The following FLNC variants were observed in gnomAD, a reference collection of about 807,000 sequenced individuals.
FLNC encodes filamin C.
In FLNC, 91 loss-of-function variants were observed where a neutral mutation model predicts 254.3. The ratio of observed to expected loss-of-function variants is 0.36; its 90% CI spans 0.30 to 0.43. FLNC has a LOEUF of 0.43. Ranked by LOEUF, FLNC falls within the 20% of genes least tolerant of loss-of-function variation. The pLI is 1.00. For missense variants in FLNC, 2,853 were observed against 3,802.6 expected (o/e 0.75, Z 6.57); for synonymous variants, 1,430 against 1,577.2 (o/e 0.91, Z 2.21).
intron 41 of FLNC, 33 bp downstream of exon 41, chr7:128,854,715 G>A: frequency 6.2e-7 from 1 of 1,612,980 alleles, no homozygotes; most frequent in Non-Finnish European, 8.5e-7. Flanking sequence ...TGGGGATGAA[G>A]TCAGGGCAGC....
At position 128,830,510 on chromosome 7, in the gene FLNC, C is replaced by A; in HGVS notation, c.-128C>A. 2.5e-6 allele frequency: 2 copies of A among 789,416 alleles called. No individual in the cohort carries two copies. Among genetic ancestry groups the A allele is most frequent in the South Asian group, 1.8e-5 (1 of 56,834 alleles). The allele number at this position is 789,416 out of a possible 1,614,324, so 48.9% of individuals were successfully genotyped here. A position where few individuals can be genotyped will look rare whatever the true frequency, so the allele number is the denominator to read the frequency against. ...TCGCCGAGCCCCGCCAGCCCCGGCG[C>A]GAGAGAAGTTGGAGAGGAGAGCAGC... On this transcript the variant is annotated 5_prime_UTR_variant, in exon 1 of 48. Coordinates refer to ENST00000325888, the MANE Select transcript of FLNC (RefSeq NM_001458.5).
chr7:128,843,685 C>T (rs1050370437), intron 18 of FLNC, 108 bp downstream of exon 18: 34 of 1,492,020 alleles, frequency 2.3e-5, no homozygotes, highest in Admixed American at 2.0e-4. Flanking sequence ...CCTTTCCTGC[C>T]TCCTGCCCTC....
In FLNC at chr7:128,856,452, G is replaced by A; in HGVS notation, c.7252-66G>A. 2 of 1,594,650 alleles carry A rather than the reference G, an allele frequency of 1.3e-6. No individual in the cohort carries two copies. Among genetic ancestry groups the A allele is most frequent in the Admixed American group, 1.7e-5 (1 of 60,002 alleles). The stretch of plus-strand genomic sequence containing the variant: ...GGGCTTACAGTGAGCACCGTGTGGG[G>A]CTTCAGAGAAGACTGCTCCAGCCCC... On this transcript the variant is annotated intron_variant, in intron 43 of 47. Transcript: ENST00000325888. This position sits in a 1 kb window ranked among gnomAD's most constrained non-coding sequence, Gnocchi z 5.9.
At position 128,837,712 on chromosome 7, in the gene FLNC, A is replaced by C. The variant is rs1357567052; in HGVS notation, c.926A>C (p.Glu309Ala). The change falls in exon 5 of 48, where the codon GAG becomes GCG. Residue 309 changes from glutamate to alanine, a missense_variant. Glu to Ala is a moderately radical substitution (Grantham distance 107). Transcript: ENST00000325888. ...CAGACGGTGGACGCGGGCGTGGGCGAGGTGCTGGTCTACATCGAGGACCCT... is the reference window on the plus strand; with the variant it reads ...CAGACGGTGGACGCGGGCGTGGGCGCGGTGCTGGTCTACATCGAGGACCCT... The part of the protein sequence containing the change: ...TVQTVDAGVG[E>A]VLVYIEDPEG... 1 of 1,605,718 alleles carries C rather than the reference A, an allele frequency of 6.2e-7. No individual in the cohort carries two copies. Among genetic ancestry groups the C allele is most frequent in the South Asian group, 1.1e-5 (1 of 90,362 alleles).
At position 128,837,291 on chromosome 7, in the gene FLNC, G is replaced by A. The variant is rs2291559; in HGVS notation, c.699+34G>A. 5,540 of 1,573,570 alleles carry A rather than the reference G, an allele frequency of 3.5e-3. 171 individuals are homozygous for A. In the South Asian group the frequency reaches 0.05, roughly 14 times the overall value. ...GCAGATGGGGCAGGGGGGAAAGGGG[G>A]CAGGGGCAGAGGTTGGGTCTGTAAG... On this transcript the variant is annotated intron_variant, in intron 3 of 47. Transcript: ENST00000325888.
rs778276635 is a variant in FLNC, at chr7:128,843,878, A to T, written c.2894A>T (p.Asp965Val). The T allele has an allele frequency of 6.2e-7, 1 of 1,613,974 alleles. No homozygotes were observed. Among genetic ancestry groups the T allele is most frequent in the Non-Finnish European group, 8.5e-7 (1 of 1,180,020 alleles). ...GTGGTGAATGTGGCACCCCCGCTGG[A>T]CCTCAGCAAAATCAAAGTTCAGGGC... The part of the protein sequence containing the change: ...PFVVNVAPPL[D>V]LSKIKVQGLN... Residue 965 changes from aspartate to valine, a missense_variant, in exon 19 of 48, where the codon GAC becomes GTC. By Grantham distance (152) the Asp-to-Val change is radical. Transcript: ENST00000325888.
At chr7:128,853,206 G>T (rs1212501414) in intron 37 of FLNC, 175 bp downstream of exon 37, 6 of 732,798 alleles carry the variant, frequency 8.2e-6, no homozygotes, top group Non-Finnish European at 1.4e-5. Flanking sequence ...CCCCGCATCA[G>T]TTCTCTCCCT....
At position 128,856,410 on chromosome 7, in the gene FLNC, G is replaced by A; in HGVS notation, c.7252-108G>A. 6.9e-7 allele frequency: 1 copy of A among 1,441,784 alleles called. No individual in the cohort carries two copies. The allele number at this position is 1,441,784 out of a possible 1,614,324, so 89.3% of individuals were successfully genotyped here. A position where few individuals can be genotyped will look rare whatever the true frequency, so the allele number is the denominator to read the frequency against. On this transcript the variant is annotated intron_variant, in intron 43 of 47. Transcript: ENST00000325888. This position sits in a 1 kb window ranked among gnomAD's most constrained non-coding sequence, Gnocchi z 5.9. ...CAGGGGCCAGGCTGGGCATGGGGTG[G>A]CAGCAGCCTTTGGGCTGGGCTTACA...
rs967007657 is a variant in FLNC, at chr7:128,850,958, G to A, written c.5539+15G>A. 5.6e-6 allele frequency: 9 copies of A among 1,613,268 alleles called. No individual in the cohort carries two copies. In the African/African-American group the frequency reaches 1.2e-4, roughly 22 times the overall value. ...CCACATCCCTGGTGAGTTAGGGGCT[G>A]GGCTGGGCTGGGGCTTGGGTGAGAG... On this transcript the variant is annotated intron_variant, in intron 33 of 47. Coordinates refer to ENST00000325888, the MANE Select transcript of FLNC (RefSeq NM_001458.5).
At chr7:128,853,888 C>G (rs769155442) in intron 39 of FLNC, 51 bp downstream of exon 39, 2 of 1,613,080 alleles carry the variant, frequency 1.2e-6, no homozygotes, top group Non-Finnish European at 1.7e-6. Flanking sequence ...GAGGGCTGGC[C>G]CGGGCCAGAG....
chr7:128,847,641 C>A, intron 24 of FLNC, 56 bp from the exon 25 acceptor site: 3 of 1,606,402 alleles, frequency 1.9e-6, no homozygotes, highest in Non-Finnish European at 2.6e-6. Context: ...GGCTCCTCAG[C>A]ATCAGGGGGA....
rs775809908 is a variant in FLNC at position 128,837,653 on chromosome 7, C to A, written c.867C>A (p.Gly289=). 1.2e-6 allele frequency: 2 copies of A among 1,612,604 alleles called. No homozygotes were observed. The highest frequency in any genetic ancestry group is 1.7e-6 in the Non-Finnish European group (2 of 1,180,002). The change falls in exon 5 of 48, where the codon GGC becomes GGA. Residue 289 remains glycine, a synonymous_variant. Coordinates refer to ENST00000325888, the MANE Select transcript of FLNC (RefSeq NM_001458.5). ...IAYGPGIEPQ[G]NTVLQPAHFT... is the part of the protein sequence containing the mutation. ...GCCCCGTAGGCATCGAGCCACAGGG[C>A]AACACCGTGCTGCAGCCTGCCCACT...
intron 20 of FLNC, 150 bp downstream of exon 20, chr7:128,844,416 G>C: frequency 9.5e-7 from 1 of 1,055,296 alleles, no homozygotes. Flanking sequence ...CCCACCACCT[G>C]CCTTGGAGAC....
Position 128,835,244 on chromosome 7 carries a change from G to A in FLNC, c.353-82G>A. On this transcript the variant is annotated intron_variant, in intron 1 of 47. Transcript: ENST00000325888. The surrounding 1 kb of genome is among the most constrained non-coding windows in gnomAD (Gnocchi z 5.3). Reference sequence around the variant, plus strand: ...CCTGACCCCAGAGCTCTGGCCCGAGGAGCTGCGCAGGTGAGGGAGGGTGCT... The same window carrying A: ...CCTGACCCCAGAGCTCTGGCCCGAGAAGCTGCGCAGGTGAGGGAGGGTGCT... 6.3e-7 allele frequency: 1 copy of A among 1,597,772 alleles called. No individual in the cohort carries two copies. Among genetic ancestry groups the A allele is most frequent in the Non-Finnish European group, 8.6e-7 (1 of 1,169,216 alleles).
chr7:128,853,786 C>A lies in FLNC; in HGVS notation c.6433C>A (p.Pro2145Thr). The change falls in exon 39 of 48, where the codon CCT becomes ACT. Residue 2145 changes from proline (P) to threonine (T), a missense_variant. Coordinates refer to ENST00000325888, the MANE Select transcript of FLNC (RefSeq NM_001458.5). ...GAGCATCACCCGGCGGAGACAGGCA[C>A]CTTCCATCGCCACCATCGGCAGCAC... Reference protein sequence around the residue: ...KESITRRRQAPSIATIGSTCD... With the variant: ...KESITRRRQATSIATIGSTCD... The A allele has an allele frequency of 3.1e-6, 5 of 1,613,582 alleles. No homozygotes were observed. Among genetic ancestry groups the A allele is most frequent in the Non-Finnish European group, 3.4e-6 (4 of 1,179,968 alleles).
In FLNC at chr7:128,853,774, C is replaced by T. The variant is rs1808926604; in HGVS notation, c.6421C>T (p.Arg2141Trp). 9 of 1,613,780 alleles carry T rather than the reference C, an allele frequency of 5.6e-6. No homozygotes were observed. The highest frequency in any genetic ancestry group is 7.6e-6 in the Non-Finnish European group (9 of 1,180,024). Reference protein sequence around the residue: ...EGRMKESITRRRQAPSIATIG... With the variant: ...EGRMKESITRWRQAPSIATIG... ...CCGCATGAAGGAGAGCATCACCCGG[C>T]GGAGACAGGCACCTTCCATCGCCAC... The change falls in exon 39 of 48, where the codon CGG (arginine) becomes TGG (tryptophan). Residue 2141 changes from arginine (R) to tryptophan (W), a missense_variant. By Grantham distance (101) the Arg-to-Trp change is moderately radical (BLOSUM62 -3). Around this residue, in one of 10 missense-constraint regions of FLNC, gnomAD observed 551 missense variants for 835.0 expected, o/e 0.66. Coordinates refer to ENST00000325888, the MANE Select transcript of FLNC (RefSeq NM_001458.5).
At chr7:128,845,322 G>A in intron 21 of FLNC, 67 bp downstream of exon 21, 1 of 1,344,390 alleles carries the variant, frequency 7.4e-7, no homozygotes, top group Non-Finnish European at 1.0e-6. Flanking sequence ...TCCGTGGGAG[G>A]GAGGGAAGAA....
chr7:128,848,450 G>C, intron 26 of FLNC, 111 bp from the exon 27 acceptor site: 2 of 1,185,118 alleles, frequency 1.7e-6, no homozygotes, highest in South Asian at 2.4e-5. Flanking sequence ...CTGCCCCACA[G>C]TCCTCCCTCC....
chr7:128,839,700 C>T (rs1205656502), intron 8 of FLNC, among the ~76,000 whole-genome samples: 4 of 152,248 alleles, frequency 2.6e-5, no homozygotes, highest in Admixed American at 6.5e-5. Context: ...CCCTGAGAGG[C>T]CCAGAGGGCT....
Sources: gnomAD v4.1 joint callset for allele counts (sites outside exome capture counted in the v4.1 genomes callset) on GRCh38, gnomAD v4.1.1 for gene constraint, gnomAD v4.1.1 regional missense constraint, Gnocchi (gnomAD v3.1) non-coding constraint, MANE v1.5 for transcripts, NCBI Gene and HGNC (gene_info 2026-07-23, HGNC 2026-07-21) for gene names.